ACOT11: variants seen among roughly 807,000 people sequenced by gnomAD.
ACOT11 encodes acyl-CoA thioesterase 11, also known as acyl-coenzyme A thioesterase 11.
Under a neutral mutation model 77.5 loss-of-function variants are expected in ACOT11, and 69 were observed. The ratio of observed to expected loss-of-function variants is 0.89; its 90% confidence interval spans 0.73 to 1.09. The LOEUF (loss-of-function observed/expected upper bound fraction) is 1.09. Among genes scored for constraint, ACOT11 ranks in the 50% least tolerant of loss-of-function variants. ACOT11 has a pLI of 0.00. For synonymous variants in ACOT11, 279 were observed against 313.0 expected, an observed-to-expected ratio of 0.89 and a Z score of 1.15; for missense variants, 766 against 813.7, an observed-to-expected ratio of 0.94 and a Z score of 0.71.
chr1:54,592,737 A>G, intron 4 of ACOT11, 131 bp downstream of exon 4: 1 of 887,478 alleles, frequency 1.1e-6, no homozygotes, highest in Non-Finnish European at 1.7e-6. Flanking sequence ...GAGTTCTGTA[A>G]TGGTTGGCAG....
At chr1:54,558,178 A>G (rs12090964) in intron 1 of ACOT11, among the ~76,000 whole-genome samples, 8,762 of 152,248 alleles carry the variant, frequency 0.058, 326 homozygotes, top group South Asian at 0.14. Flanking sequence ...GCTGTGGCCA[A>G]TGATATATAT....
chr1:54,611,081 T>C (rs1046424535), downstream of ACOT11: 1 of 928,678 alleles, frequency 1.1e-6, no homozygotes, highest in Non-Finnish European at 1.3e-6. Context: ...CTGTATAAAT[T>C]CCTGAACTGT....
At chr1:54,594,840 C>G in intron 6 of ACOT11, 149 bp downstream of exon 6, 1 of 1,121,044 alleles carries the variant, frequency 8.9e-7, no homozygotes, top group Non-Finnish European at 1.2e-6. Context: ...CCTCTTGGCT[C>G]CGAGGTCTCC....
rs1643993400 is a variant in ACOT11 at position 54,603,865 on chromosome 1, T to C, written c.1086-6T>C. 6.2e-7 allele frequency: 1 copy of C among 1,613,796 alleles called. No individual in the cohort carries two copies. The highest frequency in any genetic ancestry group is 1.7e-5 in the Admixed American group (1 of 59,988). On this transcript the variant is annotated splice_polypyrimidine_tract_variant and splice_region_variant and intron_variant, in intron 10 of 15. Transcript: ENST00000343744. ...GACCAAGGTTGTCATCTTCTCTCCT[T>C]CCCAGGAAGTACATCGTGTCCTGTA...
At chr1:54,555,092 G>C (rs1024624063) in intron 1 of ACOT11, among the ~76,000 whole-genome samples, 1 of 152,122 alleles carries the variant, frequency 6.6e-6, no homozygotes, top group East Asian at 1.9e-4. Context: ...CCAAATAGCT[G>C]GGATTACAGA....
At position 54,625,809 on chromosome 1, in the gene ACOT11, C is replaced by T. The variant is rs371756727; in HGVS notation, c.1630-4925C>T. On this transcript the variant is annotated intron_variant, in intron 15 of 16. Coordinates refer to the ACOT11 transcript ENST00000371316. ...CAAAAATTAGCTGGGCATAGTGGCG[C>T]GTGTTTGTAATCCCAGCTACTCGGG... Among the ~76,000 whole-genome samples, 96 of 151,408 alleles carry T rather than the reference C, an allele frequency of 6.3e-4. 1 individual carries two copies. The South Asian group carries it at 0.012, about 19-fold the overall frequency.
At chr1:54,623,711 G>A (rs564986543) in intron 15 of ACOT11, among the ~76,000 whole-genome samples, 1 of 152,286 alleles carries the variant, frequency 6.6e-6, no homozygotes, top group East Asian at 1.9e-4. Flanking sequence ...ACCCCTGGCT[G>A]TCTGCCCCTG....
At chr1:54,637,389 A>G (rs1644336814) in exon 17 of ACOT11, 1 of 152,274 alleles carries the variant, frequency 6.6e-6, no homozygotes, top group African/African-American at 2.4e-5. Flanking sequence ...AAGCTGAGGC[A>G]CAAGAATTGC....
chr1:54,634,977 C>T (rs1053485008), exon 17 of ACOT11: 41 of 472,326 alleles, frequency 8.7e-5, no homozygotes, highest in Middle Eastern at 5.4e-4. Context: ...GTTATCACCA[C>T]TGCCGTGAGT....
chr1:54,623,897 G>A (rs1644255181), intron 15 of ACOT11, among the ~76,000 whole-genome samples: 2 of 152,332 alleles, frequency 1.3e-5, no homozygotes, highest in East Asian at 3.9e-4. Context: ...TGCCCTCAGG[G>A]AATCCTGCAT....
intron 1 of ACOT11, among the ~76,000 whole-genome samples, chr1:54,554,347 A>ATT (rs1298114647): frequency 2.7e-4 from 27 of 98,414 alleles, no homozygotes; most frequent in Admixed American, 2.1e-3. Flanking sequence ...ATATATATAT[A>ATT]TATATTTTTT....
At chr1:54,586,858 G>A (rs1023117426) in intron 3 of ACOT11, among the ~76,000 whole-genome samples, 4 of 152,124 alleles carry the variant, frequency 2.6e-5, no homozygotes, top group African/African-American at 7.2e-5. Flanking sequence ...GGAGCAGGCT[G>A]AGCCCTCAGC....
At chr1:54,625,049 G>A (rs1046837913) in intron 15 of ACOT11, among the ~76,000 whole-genome samples, 5 of 151,982 alleles carry the variant, frequency 3.3e-5, no homozygotes, top group Admixed American at 2.6e-4. Context: ...GGGATCCAAC[G>A]AGACCCAAGC....
chr1:54,583,938 C>T (rs1157152592), intron 1 of ACOT11, among the ~76,000 whole-genome samples: 5 of 152,120 alleles, frequency 3.3e-5, no homozygotes, highest in Admixed American at 1.3e-4. Context: ...GACTGATGGG[C>T]ACACCCCACC....
rs1341998211 is a variant in ACOT11 at position 54,589,301 on chromosome 1, G to GCCA, written c.312-3241_312-3239dup. Among the ~76,000 whole-genome samples the GCCA allele has an allele frequency of 4.1e-5, 6 of 147,680 alleles. No homozygotes were observed. In the East Asian group the frequency reaches 1.2e-3, roughly 29 times the overall value. ...CAAAGTGATGGGATTACAGGTGTGA[G>GCCA]CCACCATGCCTGGCCCTTTTTTTTT... On this transcript the variant is annotated intron_variant, in intron 3 of 15. Transcript: ENST00000343744.
intron 10 of ACOT11, among the ~76,000 whole-genome samples, chr1:54,603,203 G>A (rs1414866934): frequency 2.0e-5 from 3 of 152,200 alleles, no homozygotes; most frequent in Non-Finnish European, 4.4e-5. Context: ...TGGGCGTGGT[G>A]GCTCTCGCCT....
At position 54,599,284 on chromosome 1, in the gene ACOT11, CT is replaced by C. The variant is rs1643935519; in HGVS notation, c.765-11del. 6.5e-7 allele frequency: 1 copy of C among 1,536,510 alleles called. No homozygotes were observed. Among genetic ancestry groups the C allele is most frequent in the South Asian group, 1.3e-5 (1 of 79,952 alleles). ...GGGCATTCCTTCTGTCTCCCCACCC[CT>C]GCCTCCTCAGCCGGCTCTGCCGTGC... On this transcript the variant is annotated splice_polypyrimidine_tract_variant and intron_variant, in intron 7 of 15. Transcript: ENST00000343744.
At chr1:54,564,735 C>A (rs1465515469) in intron 1 of ACOT11, among the ~76,000 whole-genome samples, 1 of 152,186 alleles carries the variant, frequency 6.6e-6, no homozygotes, top group African/African-American at 2.4e-5. Context: ...TCGGAAGACT[C>A]TGGCTGGTTC....
At chr1:54,582,329 C>T in intron 1 of ACOT11, 2 of 554,490 alleles carry the variant, frequency 3.6e-6, no homozygotes, top group Non-Finnish European at 4.6e-6. Flanking sequence ...AGAATTTGAA[C>T]TCAAGTCCGT....
Sources: gnomAD v4.1 joint callset for allele counts (sites outside exome capture counted in the v4.1 genomes callset) on GRCh38, gnomAD v4.1.1 for gene constraint, MANE v1.5 for transcripts, NCBI Gene and HGNC (gene_info 2026-07-23, HGNC 2026-07-21) for gene names.